The following SNRNP200 variants were observed in gnomAD, a reference collection of about 807,000 sequenced individuals.
SNRNP200 encodes U5 small nuclear ribonucleoprotein 200 kDa helicase.
Under a neutral mutation model 255.2 loss-of-function variants are expected in SNRNP200, and 66 were observed. The observed-to-expected ratio is 0.26, with a 90% CI of 0.21 to 0.32. The LOEUF (loss-of-function observed/expected upper bound fraction) is 0.32. SNRNP200 is among the 10% of genes least tolerant of loss of function. SNRNP200 has a pLI of 1.00. For missense variants in SNRNP200, 1,585 were observed against 2,749.8 expected (o/e 0.58, Z 9.47); for synonymous variants, 939 against 1,027.8 (o/e 0.91, Z 1.65).
chr2:96,289,516 C>A, intron 21 of SNRNP200, 137 bp from the exon 22 acceptor site: 1 of 937,992 alleles, frequency 1.1e-6, no homozygotes, highest in Non-Finnish European at 1.7e-6. Flanking sequence ...CATTATTGTC[C>A]TAATAGGACA....
At position 96,305,533 on chromosome 2, in the gene SNRNP200, A is replaced by G. The variant is rs534323715; in HGVS notation, c.-96T>C. 1.1e-5 allele frequency: 17 copies of G among 1,541,370 alleles called. No individual in the cohort carries two copies. In the Admixed American group the frequency reaches 2.2e-4, roughly 20 times the overall value. On this transcript the variant is annotated 5_prime_UTR_variant, in exon 1 of 45. Transcript: ENST00000323853. ...TGCTCCCGCCGCGCCGGAACGACGCAGGAAAGACGCACTGGGGAAGGAAAA... is the reference window on the plus strand; with the variant it reads ...TGCTCCCGCCGCGCCGGAACGACGCGGGAAAGACGCACTGGGGAAGGAAAA...
rs2104335489 is a variant in SNRNP200 at position 96,280,706 on chromosome 2, C to T, written c.5024+1108G>A. On this transcript the variant is annotated intron_variant, in intron 35 of 44. Transcript: ENST00000323853. The stretch of plus-strand genomic sequence containing the variant: ...CTGGGATTACAGGCGCGTGCCACCA[C>T]ACCAGGCTAATTTTTGTATATTTAG... Among the ~76,000 whole-genome samples, 3 of 151,682 alleles carry T rather than the reference C, an allele frequency of 2.0e-5. 1 individual carries two copies. The South Asian group carries it at 6.2e-4, about 32-fold the overall frequency.
intron 9 of SNRNP200, 84 bp from the exon 10 acceptor site, chr2:96,297,804 A>C: frequency 7.0e-7 from 1 of 1,436,346 alleles, no homozygotes; most frequent in Non-Finnish European, 9.8e-7. Context: ...CTTAGCTAAT[A>C]CTTGAGTCAC....
chr2:96,288,190 A>G (rs2063855624), intron 24 of SNRNP200, among the ~76,000 whole-genome samples: 1 of 152,228 alleles, frequency 6.6e-6, no homozygotes, highest in African/African-American at 2.4e-5. Flanking sequence ...GTCACTGCAC[A>G]ACATTTTAAC....
At position 96,297,726 on chromosome 2, in the gene SNRNP200, G is replaced by A. The variant is rs112511230; in HGVS notation, c.1120-6C>T. 2.0e-5 allele frequency: 32 copies of A among 1,614,050 alleles called. No homozygotes were observed. The highest frequency in any genetic ancestry group is 1.7e-4 in the African/African-American group (13 of 75,032). On this transcript the variant is annotated splice_polypyrimidine_tract_variant and splice_region_variant and intron_variant, in intron 9 of 44. Transcript: ENST00000323853. Reference sequence around the variant, plus strand: ...TCTCTCCGGGACCTTTCCTCCTGTAGTGGACAAAGATAAAAATCACAAAAA... The same window carrying A: ...TCTCTCCGGGACCTTTCCTCCTGTAATGGACAAAGATAAAAATCACAAAAA...
intron 23 of SNRNP200, 108 bp downstream of exon 23, chr2:96,288,929 A>ACC: frequency 8.9e-7 from 1 of 1,123,736 alleles, no homozygotes; most frequent in Non-Finnish European, 1.3e-6. Flanking sequence ...AACTAGGAGA[A>ACC]CTGAGCAGGA....
At chr2:96,300,724 A>C (rs1329532501) in intron 5 of SNRNP200, among the ~76,000 whole-genome samples, 1 of 152,058 alleles carries the variant, frequency 6.6e-6, no homozygotes, top group East Asian at 1.9e-4. Flanking sequence ...AGATCGCACC[A>C]CTGCACTCCA....
In SNRNP200 at chr2:96,278,023, ACGTG is replaced by A. The variant is rs1684698763; in HGVS notation, c.5611-77_5611-74del. 6.2e-7 allele frequency: 1 copy of A among 1,604,228 alleles called. No individual in the cohort carries two copies. Among genetic ancestry groups the A allele is most frequent in the Non-Finnish European group, 8.5e-7 (1 of 1,171,690 alleles). ...TGAGACCAGCTCAGGCCAAAGCACC[ACGTG>A]GCCCAGGCTCACACAGCCCTTCAAC... is the stretch of plus-strand genomic sequence containing the variant. On this transcript the variant is annotated intron_variant, in intron 39 of 44. Transcript: ENST00000323853. This position sits in a 1 kb window ranked among gnomAD's most constrained non-coding sequence, Gnocchi z 6.9.
chr2:96,293,172 A>G, intron 15 of SNRNP200, 77 bp from the exon 16 acceptor site: 1 of 1,597,262 alleles, frequency 6.3e-7, no homozygotes, highest in Non-Finnish European at 8.6e-7. Context: ...TCACTGCCCC[A>G]AGAGCAATAT....
chr2:96,275,117 G>A lies in SNRNP200; in HGVS notation c.6306C>T (p.His2102=). Residue 2102 remains histidine, a synonymous_variant, in exon 45 of 45, where the codon CAC becomes CAT. Coordinates refer to ENST00000323853, the MANE Select transcript of SNRNP200 (RefSeq NM_014014.5). The part of the protein sequence containing the change: ...LDFVAPATGA[H]NYTLYFMSDA... ...CACTCATGAAGTACAGAGTGTAGTT[G>A]TGGGCACCAGTGGCTGGGGCCACAA... 1 of 1,614,226 alleles carries A rather than the reference G, an allele frequency of 6.2e-7. No individual in the cohort carries two copies. Among genetic ancestry groups the A allele is most frequent in the Non-Finnish European group, 8.5e-7 (1 of 1,180,046 alleles).
chr2:96,283,484 G>T lies in SNRNP200; in HGVS notation c.4763+51C>A. ...CATAAAGAGGACACCCTTGGAGTAG[G>T]CCAGCCTCACTTAACCTAACCCCAA... On this transcript the variant is annotated intron_variant, in intron 33 of 44. Transcript: ENST00000323853. This position sits in a 1 kb window ranked among gnomAD's most constrained non-coding sequence, Gnocchi z 4.7. 1 of 1,613,204 alleles carries T rather than the reference G, an allele frequency of 6.2e-7. No individual in the cohort carries two copies. Among genetic ancestry groups the T allele is most frequent in the Non-Finnish European group, 8.5e-7 (1 of 1,179,488 alleles).
chr2:96,294,437 TA>T (rs567969180), intron 14 of SNRNP200, among the ~76,000 whole-genome samples: 131 of 142,584 alleles, frequency 9.2e-4, no homozygotes, highest in Admixed American at 8.4e-4. Context: ...AAACTCCGTC[TA>T]AAAAAAAAAA....
At chr2:96,298,785 A>C in intron 7 of SNRNP200, 30 bp downstream of exon 7, 1 of 1,614,162 alleles carries the variant, frequency 6.2e-7, no homozygotes, top group Non-Finnish European at 8.5e-7. Flanking sequence ...AGATACACTA[A>C]ATATACAACT....
intron 16 of SNRNP200, 128 bp from the exon 17 acceptor site, chr2:96,292,028 G>A (rs76926497): frequency 0.026 from 26,569 of 1,014,800 alleles, 473 homozygotes; most frequent in Admixed American, 0.054. Context: ...GGGCAGGAAT[G>A]TGTGCAGGCT....
At chr2:96,284,779 C>T (rs571277351) in intron 30 of SNRNP200, 194 bp from the exon 31 acceptor site, 122 of 593,954 alleles carry the variant, frequency 2.1e-4, no homozygotes, top group Middle Eastern at 1.4e-3. Context: ...GATGAAGTCT[C>T]GCTCTTGTTG....
chr2:96,287,813 T>TC lies in SNRNP200; in HGVS notation c.3365+49_3365+50insG. 1 of 1,516,592 alleles carries TC rather than the reference T, an allele frequency of 6.6e-7. No homozygotes were observed. Among genetic ancestry groups the TC allele is most frequent in the Non-Finnish European group, 9.2e-7 (1 of 1,091,086 alleles). 93.9% of individuals were successfully genotyped at this position (1,516,592 alleles called of 1,614,324 possible). On this transcript the variant is annotated intron_variant, in intron 25 of 44. Coordinates refer to ENST00000323853, the MANE Select transcript of SNRNP200 (RefSeq NM_014014.5). This position sits in a 1 kb window ranked among gnomAD's most constrained non-coding sequence, Gnocchi z 5.7. ...GAGGCTTTCCCATCAGACCCTTGGG[T>TC]TGGGGACCCCCACTCATGGTGACCA... is the stretch of plus-strand genomic sequence containing the variant.
At chr2:96,284,655 A>C (rs1573992284) in intron 30 of SNRNP200, 70 bp from the exon 31 acceptor site, 1 of 1,086,592 alleles carries the variant, frequency 9.2e-7, no homozygotes, top group Non-Finnish European at 1.4e-6. Context: ...TGTGAGGAAA[A>C]CCTGAGATGC....
intron 13 of SNRNP200, among the ~76,000 whole-genome samples, chr2:96,296,122 C>A (rs1191837460): frequency 6.6e-6 from 1 of 151,990 alleles, no homozygotes; most frequent in Non-Finnish European, 1.5e-5. Context: ...GACAGCGAGA[C>A]CCTGTCTCAA....
Position 96,274,890 on chromosome 2 carries a change from C to G in SNRNP200, c.*122G>C. ...GAAGTGGAGGTAGGCGGGGACAGCA[C>G]CAGCCCTGGCTGGCCAGACCTGAGG... is the stretch of plus-strand genomic sequence containing the variant. On this transcript the variant is annotated 3_prime_UTR_variant, in exon 45 of 45. Coordinates refer to ENST00000323853, the MANE Select transcript of SNRNP200 (RefSeq NM_014014.5). 8.9e-7 allele frequency: 1 copy of G among 1,128,690 alleles called. No individual in the cohort carries two copies. Among genetic ancestry groups the G allele is most frequent in the Non-Finnish European group, 1.3e-6 (1 of 747,974 alleles). The allele number at this position is 1,128,690 out of a possible 1,614,324, so 69.9% of individuals were successfully genotyped here.
Sources: gnomAD v4.1 joint callset for allele counts (sites outside exome capture counted in the v4.1 genomes callset) on GRCh38, gnomAD v4.1.1 for gene constraint, Gnocchi (gnomAD v3.1) non-coding constraint, MANE v1.5 for transcripts, NCBI Gene and HGNC (gene_info 2026-07-23, HGNC 2026-07-21) for gene names.